The following DGLUCY variants were observed in gnomAD, a reference collection of about 807,000 sequenced individuals.
DGLUCY encodes the protein D-glutamate cyclase, mitochondrial.
Under a neutral mutation model 58.5 loss-of-function variants are expected in DGLUCY, and 58 were observed. The observed-to-expected ratio is 0.99, with a 90% CI of 0.80 to 1.23. The LOEUF (loss-of-function observed/expected upper bound fraction) is 1.23. Ranked by LOEUF, DGLUCY falls within the 50% of genes most tolerant of loss-of-function variation. The probability of loss-of-function intolerance (pLI) is 0.00; values close to 1 mark genes in which losing one functional copy is unlikely to be tolerated. For missense variants in DGLUCY, 779 were observed against 784.7 expected (o/e 0.99, Z 0.09); for synonymous variants, 325 against 314.1 (o/e 1.03, Z -0.37).
At chr14:91,069,502 A>T (rs1369901128) in intron 1 of DGLUCY, among the ~76,000 whole-genome samples, 1 of 151,516 alleles carries the variant, frequency 6.6e-6, no homozygotes, top group African/African-American at 2.4e-5. Flanking sequence ...CTGGTCTCGA[A>T]CTCCTGACCT....
chr14:91,073,769 C>T (rs780782642), intron 1 of DGLUCY, among the ~76,000 whole-genome samples: 1 of 152,158 alleles, frequency 6.6e-6, no homozygotes, highest in African/African-American at 2.4e-5. Flanking sequence ...CTCAGCCCTA[C>T]ACCTTCAAGA....
At chr14:91,186,818 G>A (rs1291372555) in intron 8 of DGLUCY, among the ~76,000 whole-genome samples, 1 of 152,092 alleles carries the variant, frequency 6.6e-6, no homozygotes, top group Admixed American at 6.6e-5. Flanking sequence ...CCATGTCCCT[G>A]TGACCCTCCT....
chr14:91,098,982 T>C (rs1311025129), intron 1 of DGLUCY, among the ~76,000 whole-genome samples: 2 of 152,218 alleles, frequency 1.3e-5, no homozygotes, highest in Non-Finnish European at 2.9e-5. Flanking sequence ...CTTATTTATC[T>C]TGATGAGTTA....
At chr14:91,063,959 T>C (rs1168082132) in intron 1 of DGLUCY, among the ~76,000 whole-genome samples, 1 of 152,098 alleles carries the variant, frequency 6.6e-6, no homozygotes, top group Non-Finnish European at 1.5e-5. Context: ...CACTGTAATC[T>C]GGGCAAAAGA....
intron 1 of DGLUCY, among the ~76,000 whole-genome samples, chr14:91,116,013 A>C (rs1329147333): frequency 6.6e-6 from 1 of 152,172 alleles, no homozygotes; most frequent in Non-Finnish European, 1.5e-5. Flanking sequence ...GTTTGATAAT[A>C]ATGATTCTCG....
At chr14:91,190,816 A>C (rs1036999240) in intron 9 of DGLUCY, among the ~76,000 whole-genome samples, 3 of 151,850 alleles carry the variant, frequency 2.0e-5, no homozygotes, top group African/African-American at 7.3e-5. Context: ...TGAGATGGGG[A>C]GCCTGGGATT....
upstream of DGLUCY, among the ~76,000 whole-genome samples, chr14:91,112,981 G>C (rs918609655): frequency 9.3e-6 from 1 of 107,796 alleles, no homozygotes; most frequent in African/African-American, 3.7e-5. Flanking sequence ...CTGGGCAACA[G>C]AGTGAGACTA....
intron 12 of DGLUCY, among the ~76,000 whole-genome samples, chr14:91,212,932 C>T (rs1048633773): frequency 2.7e-5 from 4 of 150,048 alleles, no homozygotes; most frequent in African/African-American, 9.8e-5. Flanking sequence ...ACCCAAGAGG[C>T]GGAGCCTGCA....
At chr14:91,103,807 A>G (rs1005035559), upstream of DGLUCY, among the ~76,000 whole-genome samples, 2 of 148,940 alleles carry the variant, frequency 1.3e-5, no homozygotes, top group Non-Finnish European at 3.0e-5. Flanking sequence ...AAACACATAT[A>G]TGAAACACAC....
At position 91,225,551 on chromosome 14, in the gene DGLUCY, T is replaced by C. The variant is rs1888051104; in HGVS notation, c.*718T>C. 6.6e-6 allele frequency: 1 copy of C among 152,242 alleles called. No homozygotes were observed. The highest frequency in any genetic ancestry group is 1.5e-5 in the Non-Finnish European group (1 of 68,034). The allele number at this position is 152,242 out of a possible 1,614,324, so 9.4% of individuals were successfully genotyped here. A position where few individuals can be genotyped will look rare whatever the true frequency, so the allele number is the denominator to read the frequency against. On this transcript the variant is annotated 3_prime_UTR_variant, in exon 14 of 14. Transcript: ENST00000256324. Reference sequence around the variant, plus strand: ...AAGAACCTCTTATGTGACTCAGTAATGTCCTCAAAGTGCAAGAGCAGAGAT... The same window carrying C: ...AAGAACCTCTTATGTGACTCAGTAACGTCCTCAAAGTGCAAGAGCAGAGAT...
intron 1 of DGLUCY, chr14:91,145,173 GT>G (rs1329118236): frequency 3.9e-5 from 6 of 152,124 alleles, no homozygotes; most frequent in Admixed American, 2.6e-4. Context: ...CTTCTCCTAC[GT>G]TTTCTCTTTT....
At chr14:91,110,324 G>C (rs2140097541), upstream of DGLUCY, among the ~76,000 whole-genome samples, 1 of 151,908 alleles carries the variant, frequency 6.6e-6, no homozygotes, top group East Asian at 1.9e-4. Context: ...TAAGCCTTAA[G>C]AAAAAATGGA....
intron 1 of DGLUCY, among the ~76,000 whole-genome samples, chr14:91,108,520 T>TGAGAGAGA (rs1176961309): frequency 4.2e-4 from 35 of 83,714 alleles, no homozygotes; most frequent in African/African-American, 1.4e-3. Flanking sequence ...TGTGTGTGTG[T>TGAGAGAGA]GTGTGTGAGA....
chr14:91,102,832 G>C (rs1428713977), intron 1 of DGLUCY, among the ~76,000 whole-genome samples: 1 of 150,144 alleles, frequency 6.7e-6, no homozygotes, highest in African/African-American at 2.4e-5. Flanking sequence ...CGTGATCTCG[G>C]TTCACTGCAA....
chr14:91,098,525 T>G (rs1481097633), intron 1 of DGLUCY, among the ~76,000 whole-genome samples: 1 of 152,188 alleles, frequency 6.6e-6, no homozygotes, highest in Non-Finnish European at 1.5e-5. Flanking sequence ...TTAATATAAC[T>G]TATTAAATTA....
chr14:91,139,972 C>G (rs2140245835), intron 1 of DGLUCY, among the ~76,000 whole-genome samples: 1 of 151,996 alleles, frequency 6.6e-6, no homozygotes, highest in South Asian at 2.1e-4. Flanking sequence ...AGAAAGGGAG[C>G]AGGTAGGGGA....
rs1214245059 is a variant in DGLUCY, at chr14:91,173,406, G to A, written c.574G>A (p.Glu192Lys). 1 of 1,610,346 alleles carries A rather than the reference G, an allele frequency of 6.2e-7. No homozygotes were observed. The highest frequency in any genetic ancestry group is 1.7e-5 in the Admixed American group (1 of 58,716). Residue 192 changes from glutamate (E) to lysine (K), a missense_variant, in exon 6 of 14, where the codon GAG becomes AAG. By Grantham distance (56) the Glu-to-Lys change is moderately conservative. Coordinates refer to ENST00000256324, the MANE Select transcript of DGLUCY (RefSeq NM_001102368.3). ...GCGGGCCTGCTGCTCCCTCGGAGGT[G>A]AGCAGGGGCAACCTGTTCACATGGG... is the stretch of plus-strand genomic sequence containing the variant. ...LVRACCSLGGEQGQPVHMGDP... is the reference protein window; with the variant it reads ...LVRACCSLGGKQGQPVHMGDP...
chr14:91,182,853 G>C (rs909843525), intron 8 of DGLUCY, among the ~76,000 whole-genome samples: 1 of 151,740 alleles, frequency 6.6e-6, no homozygotes, highest in Non-Finnish European at 1.5e-5. Flanking sequence ...CTGTACATGG[G>C]AGAGGGCTGG....
At chr14:91,194,204 G>A (rs1252344187) in intron 9 of DGLUCY, among the ~76,000 whole-genome samples, 3 of 152,308 alleles carry the variant, frequency 2.0e-5, no homozygotes, top group Admixed American at 6.5e-5. Context: ...AGTCCTGGGA[G>A]GTGGGTGTTA....
Sources: gnomAD v4.1 joint callset for allele counts (sites outside exome capture counted in the v4.1 genomes callset) on GRCh38, gnomAD v4.1.1 for gene constraint, MANE v1.5 for transcripts, NCBI Gene and HGNC (gene_info 2026-07-23, HGNC 2026-07-21) for gene names.